Variants in PCM1 observed in about 807,000 individuals in gnomAD.
PCM1 encodes the protein pericentriolar material 1.
A neutral mutation model predicts 241.9 loss-of-function variants in PCM1; 157 were observed. The ratio of observed to expected loss-of-function variants is 0.65; its 90% confidence interval spans 0.57 to 0.74. The LOEUF is 0.74. PCM1 is among the 30% of genes least tolerant of loss of function. The pLI is 0.00. For synonymous variants in PCM1, 1,085 were observed against 784.9 expected, an observed-to-expected ratio of 1.38 and a Z score of -6.39; for missense variants, 3,478 against 2,360.1, an observed-to-expected ratio of 1.47 and a Z score of -9.81.
chr8:18,009,844 G>C (rs1054387010), intron 31 of PCM1, 100 bp downstream of exon 31: 4 of 680,134 alleles, frequency 5.9e-6, no homozygotes, highest in Non-Finnish European at 8.9e-6. Context: ...AGCAAAAGTA[G>C]TTGTTTTTAG....
chr8:17,940,165 G>A (rs760833813), intron 6 of PCM1: 5 of 1,436,914 alleles, frequency 3.5e-6, no homozygotes, highest in South Asian at 1.2e-5. Context: ...CACGGTAAGC[G>A]GCTTTTTGGT....
chr8:17,985,621 T>TAGG lies in PCM1; in HGVS notation c.4281+3_4281+4insGGA, dbSNP rs1428203778. ...CAGAGGGCTTTATATGCATTGCAGG[T>TAGG]ATCTGGTACCTAACATAATTTTTCC... On this transcript the variant is annotated splice_region_variant and intron_variant, in intron 25 of 38. Coordinates refer to ENST00000325083, the MANE Select transcript of PCM1 (RefSeq NM_006197.4). 6.3e-7 allele frequency: 1 copy of TAGG among 1,599,110 alleles called. No individual in the cohort carries two copies. Among genetic ancestry groups the TAGG allele is most frequent in the Non-Finnish European group, 8.5e-7 (1 of 1,171,116 alleles).
intron 22 of PCM1, among the ~76,000 whole-genome samples, chr8:17,971,933 C>T (rs923041654): frequency 1.2e-4 from 18 of 151,848 alleles, no homozygotes; most frequent in Non-Finnish European, 1.8e-4. Context: ...TTTTTAGAGA[C>T]GGGGTCTCAC....
intron 2 of PCM1, chr8:17,925,183 T>A (rs106294): frequency 2.6e-5 from 4 of 152,210 alleles, no homozygotes; most frequent in African/African-American, 9.7e-5. Flanking sequence ...GAACTTGTTA[T>A]ACCTTGACCG....
At chr8:18,027,568 A>G in intron 38 of PCM1, 69 bp from the exon 39 acceptor site, 1 of 1,106,416 alleles carries the variant, frequency 9.0e-7, no homozygotes, top group South Asian at 1.6e-5. Flanking sequence ...AGCTTTAATG[A>G]CAGAGAACAA....
At chr8:18,023,852 CA>C (rs1359097763) in intron 36 of PCM1, among the ~76,000 whole-genome samples, 1 of 152,212 alleles carries the variant, frequency 6.6e-6, no homozygotes, top group Non-Finnish European at 1.5e-5. Context: ...ATGGAGGGTG[CA>C]TGACTGAATC....
intron 29 of PCM1, among the ~76,000 whole-genome samples, chr8:18,004,163 C>A (rs1397700146): frequency 6.6e-6 from 1 of 152,102 alleles, no homozygotes; most frequent in African/African-American, 2.4e-5. Context: ...ATGTAAGTTA[C>A]ATGCTATCTG....
intron 9 of PCM1, among the ~76,000 whole-genome samples, chr8:17,954,363 G>C (rs2067219158): frequency 6.6e-6 from 1 of 150,684 alleles, no homozygotes; most frequent in South Asian, 2.1e-4. Context: ...GGAGGCGGAG[G>C]TTGTGGTGAG....
Position 17,948,484 on chromosome 8 carries a change from T to C in PCM1, c.961+1121T>C, listed in dbSNP as rs141178049. Among the ~76,000 whole-genome samples the C allele has an allele frequency of 1.4e-3, 218 of 152,050 alleles. 1 individual carries two copies. The highest frequency in any genetic ancestry group is 5.1e-3 in the African/African-American group (210 of 41,472). Reference sequence around the variant, plus strand: ...CATGCCTGGCTAATTTTTGTATTTTTAGTAGAGTCGGGGTTTCACCATATT... The same window carrying C: ...CATGCCTGGCTAATTTTTGTATTTTCAGTAGAGTCGGGGTTTCACCATATT... On this transcript the variant is annotated intron_variant, in intron 7 of 38. Transcript: ENST00000325083.
chr8:18,024,315 A>G (rs1304298041), intron 36 of PCM1, among the ~76,000 whole-genome samples: 3 of 152,076 alleles, frequency 2.0e-5, no homozygotes, highest in African/African-American at 7.3e-5. Flanking sequence ...ATGGTGAACT[A>G]TGATTGCCCC....
At position 18,005,359 on chromosome 8, in the gene PCM1, T is replaced by TG. The variant is rs200246611; in HGVS notation, c.4828-904_4828-903insG. 3.7e-3 allele frequency among the ~76,000 whole-genome samples: 533 copies of TG among 143,102 alleles called. 4 individuals carry two copies. Among genetic ancestry groups the TG allele is most frequent in the Middle Eastern group, 0.025 (7 of 280 alleles). 93.9% of individuals were successfully genotyped at this position (143,102 alleles called of 152,430 possible). On this transcript the variant is annotated intron_variant, in intron 29 of 38. Coordinates refer to ENST00000325083, the MANE Select transcript of PCM1 (RefSeq NM_006197.4). ...GGGACAGTTGTGTTGTTGTTGTTGT[T>TG]TTTTTTTTTTTTTAAATCGCCTGTC...
Position 17,938,801 on chromosome 8 carries a change from G to A in PCM1, c.404G>A (p.Ser135Asn). 1 of 1,612,990 alleles carries A rather than the reference G, an allele frequency of 6.2e-7. No individual in the cohort carries two copies. Among genetic ancestry groups the A allele is most frequent in the East Asian group, 2.2e-5 (1 of 44,882 alleles). Reference protein sequence around the residue: ...ATAANNKRQLSENRKPFNFLP... With the variant: ...ATAANNKRQLNENRKPFNFLP... The stretch of plus-strand genomic sequence containing the variant: ...GCTGCTAACAACAAACGTCAGCTTA[G>A]TGAAAACCGAAAGCCCTTCAACTTT... The change falls in exon 5 of 39, where the codon AGT becomes AAT. Residue 135 changes from serine (S) to asparagine (N), a missense_variant. Ser to Asn is a conservative substitution (Grantham distance 46, BLOSUM62 1). Transcript: ENST00000325083.
chr8:17,930,159 A>G (rs1027268007), intron 2 of PCM1, among the ~76,000 whole-genome samples: 11 of 140,574 alleles, frequency 7.8e-5, no homozygotes, highest in Admixed American at 7.7e-4. Flanking sequence ...GCCGGAGTGC[A>G]GTGGTGTTAT....
chr8:17,968,762 G>GTGTATATGTGTA (rs373502456), intron 21 of PCM1, among the ~76,000 whole-genome samples: 2 of 136,782 alleles, frequency 1.5e-5, no homozygotes, highest in Admixed American at 7.4e-5. Context: ...GTGTGTGTGT[G>GTGTATATGTGTA]TATATATATA....
chr8:17,974,466 A>G (rs1453215121), intron 23 of PCM1, among the ~76,000 whole-genome samples: 2 of 152,186 alleles, frequency 1.3e-5, no homozygotes, highest in Non-Finnish European at 2.9e-5. Context: ...CTCCTTAGGA[A>G]TACAGTTTTA....
chr8:17,955,262 C>A (rs970363587), intron 9 of PCM1, among the ~76,000 whole-genome samples: 4 of 151,954 alleles, frequency 2.6e-5, no homozygotes, highest in African/African-American at 9.7e-5. Context: ...GTGATAGAAC[C>A]TGTGGAAGAA....
chr8:17,961,982 T>G, intron 15 of PCM1, 52 bp from the exon 16 acceptor site: 4 of 1,526,018 alleles, frequency 2.6e-6, no homozygotes, highest in Non-Finnish European at 2.7e-6. Flanking sequence ...TTTTATGAAA[T>G]TAATATAATT....
At chr8:17,991,069 C>G (rs1421453313) in intron 27 of PCM1, among the ~76,000 whole-genome samples, 2 of 151,556 alleles carry the variant, frequency 1.3e-5, no homozygotes, top group East Asian at 3.9e-4. Context: ...TCTTACAAAC[C>G]TGCACCAGTA....
chr8:18,000,029 A>T (rs2088696164), intron 29 of PCM1, among the ~76,000 whole-genome samples: 1 of 152,252 alleles, frequency 6.6e-6, no homozygotes, highest in Non-Finnish European at 1.5e-5. Flanking sequence ...AGTTAATGAT[A>T]CAGGCCATGC....
Sources: allele counts gnomAD v4.1 joint callset (sites outside exome capture counted in the v4.1 genomes callset), GRCh38; gene constraint gnomAD v4.1.1; transcripts MANE v1.5; gene names NCBI Gene and HGNC (gene_info 2026-07-23, HGNC 2026-07-21).